Variants in KCNK12 observed in about 807,000 individuals in gnomAD.
The protein encoded by KCNK12 is potassium channel subfamily K member 12.
A neutral mutation model predicts 25.3 loss-of-function variants in KCNK12; 6 were observed. The ratio of observed to expected loss-of-function variants is 0.24; its 90% confidence interval spans 0.13 to 0.47. KCNK12 has a LOEUF of 0.47. KCNK12 is among the 20% of genes least tolerant of loss of function. The pLI is 0.99. For missense variants in KCNK12, 444 were observed against 661.7 expected (o/e 0.67, Z 3.61); for synonymous variants, 331 against 311.1 (o/e 1.06, Z -0.67).
intron 1 of KCNK12, among the ~76,000 whole-genome samples, chr2:47,524,638 T>C (rs1668729805): frequency 6.6e-6 from 1 of 152,174 alleles, no homozygotes; most frequent in African/African-American, 2.4e-5. Context: ...AGAGGGGACA[T>C]AGGGGACCTC....
rs898854150 is a variant in KCNK12 at position 47,570,959 on chromosome 2, C to G, written c.-628G>C. On this transcript the variant is annotated 5_prime_UTR_variant, in exon 1 of 2. Coordinates refer to ENST00000327876, the MANE Select transcript of KCNK12 (RefSeq NM_022055.2). ...CCTTTCTCAGCTCCAGCCGAAGAGCCGCCCGGCAGGGAGAGGCGGAGTCAC... is the reference window on the plus strand; with the variant it reads ...CCTTTCTCAGCTCCAGCCGAAGAGCGGCCCGGCAGGGAGAGGCGGAGTCAC... The G allele has an allele frequency of 6.6e-6, 1 of 152,066 alleles. No homozygotes were observed. Among genetic ancestry groups the G allele is most frequent in the Non-Finnish European group, 1.5e-5 (1 of 68,048 alleles). 9.4% of individuals were successfully genotyped at this position (152,066 alleles called of 1,614,324 possible). A position where few individuals can be genotyped will look rare whatever the true frequency, so the allele number is the denominator to read the frequency against.
At position 47,540,940 on chromosome 2, in the gene KCNK12, C is replaced by T. The variant is rs114411752; in HGVS notation, c.392-19132G>A. Among the ~76,000 whole-genome samples, 680 of 152,234 alleles carry T rather than the reference C, an allele frequency of 4.5e-3. 4 individuals carry two copies. The highest frequency in any genetic ancestry group is 0.015 in the African/African-American group (624 of 41,528). ...TCCAGCCTGGGCAACAGAGTGAGAC[C>T]CTGTCTCTACATAAATCAGTAAGAT... On this transcript the variant is annotated intron_variant, in intron 1 of 1. Coordinates refer to ENST00000327876, the MANE Select transcript of KCNK12 (RefSeq NM_022055.2). The surrounding 1 kb of genome is among the most constrained non-coding windows in gnomAD (Gnocchi z 5.4).
intron 1 of KCNK12, among the ~76,000 whole-genome samples, chr2:47,534,098 C>A (rs1668997151): frequency 6.6e-6 from 1 of 151,976 alleles, no homozygotes; most frequent in Non-Finnish European, 1.5e-5. Context: ...AGAGGATGAA[C>A]CCCACAGGCT....
At position 47,555,231 on chromosome 2, in the gene KCNK12, G is replaced by C. The variant is rs1669527689; in HGVS notation, c.391+14710C>G. On this transcript the variant is annotated intron_variant, in intron 1 of 1. Coordinates refer to ENST00000327876, the MANE Select transcript of KCNK12 (RefSeq NM_022055.2). The surrounding 1 kb of genome is among the most constrained non-coding windows in gnomAD (Gnocchi z 4.5). ...AAGCCAAAGGGTGTGAGGGGGATCAGAGTATGCCATCCCCAAATATGTCAC... is the reference window on the plus strand; with the variant it reads ...AAGCCAAAGGGTGTGAGGGGGATCACAGTATGCCATCCCCAAATATGTCAC... Among the ~76,000 whole-genome samples the C allele has an allele frequency of 6.6e-6, 1 of 152,260 alleles. No individual in the cohort carries two copies. Among genetic ancestry groups the C allele is most frequent in the Non-Finnish European group, 1.5e-5 (1 of 68,048 alleles).
At chr2:47,567,309 A>G (rs1271979534) in intron 1 of KCNK12, among the ~76,000 whole-genome samples, 4 of 152,232 alleles carry the variant, frequency 2.6e-5, no homozygotes, top group African/African-American at 9.6e-5. Flanking sequence ...TCAGATAAAG[A>G]ATCCTGACTG....
intron 1 of KCNK12, among the ~76,000 whole-genome samples, chr2:47,545,381 G>C (rs1232572794): frequency 1.3e-5 from 2 of 152,242 alleles, no homozygotes; most frequent in African/African-American, 4.8e-5. Context: ...GGCTTGGAAA[G>C]GCTGGGGACC....
At chr2:47,558,753 G>A (rs1206768046) in intron 1 of KCNK12, among the ~76,000 whole-genome samples, 1 of 152,246 alleles carries the variant, frequency 6.6e-6, no homozygotes, top group Non-Finnish European at 1.5e-5. Context: ...AAACTTTCCA[G>A]AAAGCTAGGA....
At position 47,570,108 on chromosome 2, in the gene KCNK12, G is replaced by C. The variant is rs964715945; in HGVS notation, c.224C>G (p.Thr75Arg). Residue 75 changes from threonine to arginine, a missense_variant, in exon 1 of 2, where the codon ACG (threonine) becomes AGG (arginine). Transcript: ENST00000327876. ...GTGCGCAGCGCTGAAGTTGCGCAGCGTGGCGCCCCAGCGCGCCCGCGCCTC... is the reference window on the plus strand; with the variant it reads ...GTGCGCAGCGCTGAAGTTGCGCAGCCTGGCGCCCCAGCGCGCCCGCGCCTC... The part of the protein sequence containing the change: ...EAEARARWGA[T>R]LRNFSAAHGV... The C allele has an allele frequency of 1.4e-6, 2 of 1,411,426 alleles. No homozygotes were observed. The highest frequency in any genetic ancestry group is 1.5e-5 in the African/African-American group (1 of 66,606). 87.4% of individuals were successfully genotyped at this position (1,411,426 alleles called of 1,614,324 possible).
At position 47,548,852 on chromosome 2, in the gene KCNK12, C is replaced by G. The variant is rs927340823; in HGVS notation, c.391+21089G>C. On this transcript the variant is annotated intron_variant, in intron 1 of 1. Coordinates refer to ENST00000327876, the MANE Select transcript of KCNK12 (RefSeq NM_022055.2). The surrounding 1 kb of genome is among the most constrained non-coding windows in gnomAD (Gnocchi z 4.4). ...AGAGATCCAGACAGAGCCCAGAACT[C>G]TTGCTGAATTGAGGGGAGAGAAATT... Among the ~76,000 whole-genome samples, 2 of 152,146 alleles carry G rather than the reference C, an allele frequency of 1.3e-5. No individual in the cohort carries two copies. The highest frequency in any genetic ancestry group is 2.4e-5 in the African/African-American group (1 of 41,422).
Position 47,540,226 on chromosome 2 carries a change from A to G in KCNK12, c.392-18418T>C, listed in dbSNP as rs2104810886. Reference sequence around the variant, plus strand: ...GACCTATCTTGGAGAAGATACAAGCAATGGTGCTGAAGTTTCACAACAGTG... The same window carrying G: ...GACCTATCTTGGAGAAGATACAAGCGATGGTGCTGAAGTTTCACAACAGTG... On this transcript the variant is annotated intron_variant, in intron 1 of 1. Coordinates refer to ENST00000327876, the MANE Select transcript of KCNK12 (RefSeq NM_022055.2). This position sits in a 1 kb window ranked among gnomAD's most constrained non-coding sequence, Gnocchi z 5.4. Among the ~76,000 whole-genome samples, 1 of 152,294 alleles carries G rather than the reference A, an allele frequency of 6.6e-6. No individual in the cohort carries two copies. The highest frequency in any genetic ancestry group is 2.1e-4 in the South Asian group (1 of 4,832).
rs1669871539 is a variant in KCNK12 at position 47,570,545 on chromosome 2, G to C, written c.-214C>G. On this transcript the variant is annotated 5_prime_UTR_variant, in exon 1 of 2. Transcript: ENST00000327876. ...GGCGCTCAGGCCACACGCGAGTCCC[G>C]TGGCCCAGCGGGTGCCCGGGCAGGG... 1 of 375,000 alleles carries C rather than the reference G, an allele frequency of 2.7e-6. No individual in the cohort carries two copies. The highest frequency in any genetic ancestry group is 4.4e-6 in the Non-Finnish European group (1 of 227,834). The allele number at this position is 375,000 out of a possible 1,614,324, so 23.2% of individuals were successfully genotyped here. A position where few individuals can be genotyped will look rare whatever the true frequency, so the allele number is the denominator to read the frequency against.
At chr2:47,564,330 A>C (rs1226617158) in intron 1 of KCNK12, 1 of 229,222 alleles carries the variant, frequency 4.4e-6, no homozygotes, top group African/African-American at 2.2e-5. Context: ...CTGACTCAGC[A>C]ATTTCACCAG....
intron 1 of KCNK12, 71 bp from the exon 2 acceptor site, chr2:47,521,879 T>TGGGGGGGGGGGG: frequency 3.1e-5 from 10 of 327,708 alleles, no homozygotes; most frequent in African/African-American, 3.7e-5. Flanking sequence ...GGGTGGGGGG[T>TGGGGGGGGGGGG]GTGGGGGCGG....
In KCNK12 at chr2:47,540,007, T is replaced by C. The variant is rs911439117; in HGVS notation, c.392-18199A>G. ...GTGGCTGTCAGCAAGCTACTCGCTGTGCCTCAGTTTCCCCATCTATCAAGT... is the reference window on the plus strand; with the variant it reads ...GTGGCTGTCAGCAAGCTACTCGCTGCGCCTCAGTTTCCCCATCTATCAAGT... On this transcript the variant is annotated intron_variant, in intron 1 of 1. Coordinates refer to ENST00000327876, the MANE Select transcript of KCNK12 (RefSeq NM_022055.2). This position sits in a 1 kb window ranked among gnomAD's most constrained non-coding sequence, Gnocchi z 5.4. Among the ~76,000 whole-genome samples, 1 of 152,230 alleles carries C rather than the reference T, an allele frequency of 6.6e-6. No individual in the cohort carries two copies. Among genetic ancestry groups the C allele is most frequent in the East Asian group, 1.9e-4 (1 of 5,198 alleles).
intron 1 of KCNK12, among the ~76,000 whole-genome samples, chr2:47,534,517 C>CCG (rs1553378762): frequency 1.0e-5 from 1 of 99,616 alleles, no homozygotes; most frequent in Non-Finnish European, 2.0e-5. Flanking sequence ...CCCTTCTAAC[C>CCG]CCCCCCCCCG....
rs1056019793 is a variant in KCNK12, at chr2:47,570,563, G to C, written c.-232C>G. On this transcript the variant is annotated 5_prime_UTR_variant, in exon 1 of 2. Transcript: ENST00000327876. ...GAGTCCCGTGGCCCAGCGGGTGCCC[G>C]GGCAGGGGCGCTCCTCTGCGCGCCC... The C allele has an allele frequency of 3.1e-6, 1 of 317,534 alleles. No homozygotes were observed. Among genetic ancestry groups the C allele is most frequent in the East Asian group, 5.5e-5 (1 of 18,170 alleles). 19.7% of individuals were successfully genotyped at this position (317,534 alleles called of 1,614,324 possible).
rs1253590530 is a variant in KCNK12, at chr2:47,520,536, G to C, written c.*371C>G. ...AGGAGGTAATTCAGAGCCACGAAAA[G>C]TTGCACCATATGCTTTGGGGTTGCC... is the stretch of plus-strand genomic sequence containing the variant. On this transcript the variant is annotated 3_prime_UTR_variant, in exon 2 of 2. Transcript: ENST00000327876. The surrounding 1 kb of genome is among the most constrained non-coding windows in gnomAD (Gnocchi z 5.0). 5.4e-6 allele frequency: 1 copy of C among 184,334 alleles called. No individual in the cohort carries two copies. The highest frequency in any genetic ancestry group is 1.1e-5 in the Non-Finnish European group (1 of 89,944). The allele number at this position is 184,334 out of a possible 1,614,324, so 11.4% of individuals were successfully genotyped here.
intron 1 of KCNK12, among the ~76,000 whole-genome samples, chr2:47,526,718 G>A (rs1018867678): frequency 1.9e-4 from 29 of 152,336 alleles, no homozygotes; most frequent in Non-Finnish European, 3.2e-4. Context: ...GGGCGACAGA[G>A]CGAAACTCCG....
chr2:47,543,188 G>A (rs1669238664), intron 1 of KCNK12, among the ~76,000 whole-genome samples: 1 of 151,850 alleles, frequency 6.6e-6, no homozygotes, highest in South Asian at 2.1e-4. Context: ...TTAGACTGCA[G>A]ACTCTGACAC....
Sources: gnomAD v4.1 joint callset for allele counts (sites outside exome capture counted in the v4.1 genomes callset) on GRCh38, gnomAD v4.1.1 for gene constraint, Gnocchi (gnomAD v3.1) non-coding constraint, MANE v1.5 for transcripts, NCBI Gene and HGNC (gene_info 2026-07-23, HGNC 2026-07-21) for gene names.